PKHD1: variants seen among roughly 807,000 people sequenced by gnomAD.
PKHD1 encodes PKHD1 ciliary IPT domain containing fibrocystin/polyductin.
A neutral mutation model predicts 412.0 loss-of-function variants in PKHD1; 291 were observed. The ratio of observed to expected loss-of-function variants is 0.71; its 90% CI spans 0.64 to 0.78. The LOEUF is 0.78. Ranked by LOEUF, PKHD1 falls within the 30% of genes least tolerant of loss-of-function variation. PKHD1 has a pLI of 0.00. For missense variants in PKHD1, 4,825 were observed against 4,950.7 expected (o/e 0.97, Z 0.76); for synonymous variants, 1,777 against 1,821.5 (o/e 0.98, Z 0.62).
At position 51,940,108 on chromosome 6, in the gene PKHD1, G is replaced by A. The variant is rs190643514; in HGVS notation, c.5909-5786C>T. On this transcript the variant is annotated intron_variant, in intron 36 of 66. Coordinates refer to ENST00000371117, the MANE Select transcript of PKHD1 (RefSeq NM_138694.4). Reference sequence around the variant, plus strand: ...AAAAACCCAGCCCAGTTCATGGTTCGTTCAGCAGCAACCCTGAGATGCTTT... The same window carrying A: ...AAAAACCCAGCCCAGTTCATGGTTCATTCAGCAGCAACCCTGAGATGCTTT... Among the ~76,000 whole-genome samples the A allele has an allele frequency of 1.8e-4, 27 of 151,676 alleles. 1 individual carries two copies. The highest frequency in any genetic ancestry group is 2.4e-4 in the African/African-American group (10 of 41,472).
At chr6:51,921,335 C>A (rs965097602) in intron 37 of PKHD1, among the ~76,000 whole-genome samples, 8 of 152,158 alleles carry the variant, frequency 5.3e-5, no homozygotes, top group Non-Finnish European at 2.9e-5. Context: ...GGTAACCAGA[C>A]CTTTCTCTCT....
At chr6:51,930,187 G>C (rs1786352264) in intron 37 of PKHD1, among the ~76,000 whole-genome samples, 1 of 152,168 alleles carries the variant, frequency 6.6e-6, no homozygotes. Context: ...AGGCAAGAGT[G>C]AAATTTCCTT....
intron 36 of PKHD1, among the ~76,000 whole-genome samples, chr6:51,951,682 C>A (rs1790390439): frequency 6.6e-6 from 1 of 152,080 alleles, no homozygotes; most frequent in African/African-American, 2.4e-5. Context: ...TGTATAGAAA[C>A]TATAATAATG....
At chr6:51,844,899 G>A (rs183188791) in intron 50 of PKHD1, among the ~76,000 whole-genome samples, 273 of 152,220 alleles carry the variant, frequency 1.8e-3, no homozygotes, top group African/African-American at 6.4e-3. Context: ...ATAAATTTCT[G>A]TATACACACA....
chr6:51,819,916 TATC>T, intron 52 of PKHD1, among the ~76,000 whole-genome samples: 1 of 152,342 alleles, frequency 6.6e-6, no homozygotes, highest in South Asian at 2.1e-4. Flanking sequence ...CCCTTCTAAG[TATC>T]ATTATTTAGT....
chr6:51,679,863 A>G (rs1020190758), intron 60 of PKHD1, among the ~76,000 whole-genome samples: 2 of 152,028 alleles, frequency 1.3e-5, no homozygotes, highest in African/African-American at 4.8e-5. Context: ...TTCCTCTGGC[A>G]TCTTAATGCC....
rs9349599 is a variant in PKHD1 at position 51,802,526 on chromosome 6, G to T, written c.8303-11153C>A. On this transcript the variant is annotated intron_variant, in intron 52 of 66. Transcript: ENST00000371117. ...AATTATTAAATTTTTACATGTTACA[G>T]TTGGTGTTAAAGCCAAACTAAGCGC... 1.4e-3 allele frequency among the ~76,000 whole-genome samples: 218 copies of T among 151,694 alleles called. 5 individuals carry two copies. In the East Asian group the frequency reaches 0.041, roughly 29 times the overall value.
intron 37 of PKHD1, among the ~76,000 whole-genome samples, chr6:51,920,699 A>G (rs1434471312): frequency 6.6e-6 from 1 of 152,216 alleles, no homozygotes; most frequent in Non-Finnish European, 1.5e-5. Context: ...AAGGAATGGT[A>G]TCAGCTGCTC....
chr6:51,789,958 A>G (rs1406763518), intron 53 of PKHD1, among the ~76,000 whole-genome samples: 3 of 152,184 alleles, frequency 2.0e-5, no homozygotes, highest in Non-Finnish European at 4.4e-5. Flanking sequence ...ATTTTAAACA[A>G]TGGGAACAGG....
intron 31 of PKHD1, among the ~76,000 whole-genome samples, chr6:52,027,547 A>AAAG (rs1246925981): frequency 3.4e-4 from 51 of 149,170 alleles, no homozygotes; most frequent in African/African-American, 1.1e-3. Flanking sequence ...AAAAAAAAAA[A>AAAG]AAGAAGAAGA....
chr6:51,654,079 A>T (rs1771412725), intron 61 of PKHD1, among the ~76,000 whole-genome samples: 1 of 152,186 alleles, frequency 6.6e-6, no homozygotes. Context: ...TTAGAATAGT[A>T]GAAAAGTAAA....
Position 52,045,073 on chromosome 6 carries a change from G to A in PKHD1, c.2608C>T (p.Leu870Phe). 6.2e-7 allele frequency: 1 copy of A among 1,613,404 alleles called. No individual in the cohort carries two copies. The highest frequency in any genetic ancestry group is 8.5e-7 in the Non-Finnish European group (1 of 1,179,456). Residue 870 changes from leucine to phenylalanine, a missense_variant, in exon 25 of 67, where the codon CTT becomes TTT. Leu to Phe is a conservative substitution (Grantham distance 22). Transcript: ENST00000371117. ...GCTGCAGCAGGATTCACTCCAGTAA[G>A]GTTTTCATCAGAGACCTGAGATGGT... ...PNFIRVSDEN[L>F]TGVNPAAATR...
chr6:51,909,356 T>G lies in PKHD1; in HGVS notation c.6609A>C (p.Gly2203=), dbSNP rs1199469738. Residue 2203 remains glycine (G), a synonymous_variant, in exon 40 of 67, where the codon GGA becomes GGC. Transcript: ENST00000371117. ...PEEPSQVQLK[G]VQFQVLGQAF... ...CTTGCCCCAAGACTTGAAACTGCAC[T>G]CCCTTCAACTGGACCTGGCTGGGCT... The G allele has an allele frequency of 6.2e-7, 1 of 1,613,368 alleles. No homozygotes were observed. Among genetic ancestry groups the G allele is most frequent in the Non-Finnish European group, 8.5e-7 (1 of 1,179,640 alleles).
chr6:52,027,585 A>G (rs1802412819), intron 31 of PKHD1, among the ~76,000 whole-genome samples: 1 of 149,956 alleles, frequency 6.7e-6, no homozygotes, highest in South Asian at 2.1e-4. Context: ...AAAAAGAAAA[A>G]AAAAAGAAAA....
intron 35 of PKHD1, among the ~76,000 whole-genome samples, chr6:52,001,261 T>C (rs567487438): frequency 2.2e-4 from 33 of 152,250 alleles, no homozygotes; most frequent in Non-Finnish European, 3.1e-4. Context: ...AATGTTTACA[T>C]TGATTAATAA....
chr6:52,085,235 T>A (rs939644202), intron 1 of PKHD1, among the ~76,000 whole-genome samples: 6 of 62,018 alleles, frequency 9.7e-5, no homozygotes, highest in African/African-American at 3.0e-4. Context: ...CAACTTATTT[T>A]AAGCTGGATA....
At chr6:51,895,717 A>G (rs2499492) in intron 43 of PKHD1, among the ~76,000 whole-genome samples, 74,008 of 151,908 alleles carry the variant, frequency 0.49, 19,652 homozygotes, top group East Asian at 0.86. Flanking sequence ...TGTGAGCGAC[A>G]CAGAAGACAG....
At chr6:51,980,866 T>C (rs963746213) in intron 35 of PKHD1, among the ~76,000 whole-genome samples, 1 of 152,206 alleles carries the variant, frequency 6.6e-6, no homozygotes, top group African/African-American at 2.4e-5. Flanking sequence ...TTGAAATCTA[T>C]GAACAATAAC....
rs1803818366 is a variant in PKHD1 at position 52,035,623 on chromosome 6, A to T, written c.3196T>A (p.Ser1066Thr). 6.2e-7 allele frequency: 1 copy of T among 1,614,016 alleles called. No homozygotes were observed. Among genetic ancestry groups the T allele is most frequent in the East Asian group, 2.2e-5 (1 of 44,872 alleles). The change falls in exon 28 of 67, where the codon TCA (serine) becomes ACA (threonine). Residue 1066 changes from serine to threonine, a missense_variant. Transcript: ENST00000371117. ...SCAINVATSN[S>T]SRIQCKVPPR... ...GGAACTTTGCACTGAATTCTGCTTGAATTGCTTGTAGCGACATTGATGGCA... is the reference window on the plus strand; with the variant it reads ...GGAACTTTGCACTGAATTCTGCTTGTATTGCTTGTAGCGACATTGATGGCA...
Sources: allele counts gnomAD v4.1 joint callset (sites outside exome capture counted in the v4.1 genomes callset), GRCh38; gene constraint gnomAD v4.1.1; transcripts MANE v1.5; gene names NCBI Gene and HGNC (gene_info 2026-07-23, HGNC 2026-07-21).